The following NEMP2 variants were observed in gnomAD, a reference collection of about 807,000 sequenced individuals.
NEMP2 encodes the protein nuclear envelope integral membrane protein 2.
In NEMP2, 53 loss-of-function variants were observed where a neutral mutation model predicts 54.2. That is an observed-to-expected ratio of 0.98 (90% CI 0.78 to 1.23). The LOEUF (loss-of-function observed/expected upper bound fraction) is 1.23. Ranked by LOEUF, NEMP2 falls within the 50% of genes most tolerant of loss-of-function variation. The probability of loss-of-function intolerance (pLI) is 0.00; values close to 1 mark genes in which losing one functional copy is unlikely to be tolerated. For missense variants in NEMP2, 455 were observed against 511.3 expected, an observed-to-expected ratio of 0.89 and a Z score of 1.06; for synonymous variants, 197 against 190.3, an observed-to-expected ratio of 1.04 and a Z score of -0.29.
At chr2:190,472,386 C>A in the NEMP2 span, among the ~76,000 whole-genome samples, 1 of 152,084 alleles carries the variant, frequency 6.6e-6, no homozygotes, top group Non-Finnish European at 1.5e-5. Context: ...GCAGAGAAGT[C>A]CTTAAAGGAC....
the NEMP2 span, among the ~76,000 whole-genome samples, chr2:190,446,836 C>A: frequency 6.6e-6 from 1 of 152,180 alleles, no homozygotes; most frequent in Non-Finnish European, 1.5e-5. Context: ...AAATGTCAAC[C>A]TCCTTCAGAG....
the NEMP2 span, among the ~76,000 whole-genome samples, chr2:190,544,004 A>C: frequency 6.6e-6 from 1 of 152,222 alleles, no homozygotes; most frequent in Non-Finnish European, 1.5e-5. Flanking sequence ...ATTAAGTTAA[A>C]AGAAAATGGC....
the NEMP2 span, among the ~76,000 whole-genome samples, chr2:190,585,768 G>A: frequency 6.6e-6 from 1 of 152,072 alleles, no homozygotes; most frequent in African/African-American, 2.4e-5. This position sits in a 1 kb window ranked among gnomAD's most constrained non-coding sequence, Gnocchi z 5.3. Context: ...CGAGATATGG[G>A]GCTCAGGCTG....
At chr2:190,452,221 C>T in the NEMP2 span, among the ~76,000 whole-genome samples, 5 of 152,094 alleles carry the variant, frequency 3.3e-5, no homozygotes, top group Non-Finnish European at 7.4e-5. Flanking sequence ...CGCCACTGCA[C>T]TCCAGCCTGA....
chr2:190,630,731 G>C, the NEMP2 span, among the ~76,000 whole-genome samples: 2 of 152,070 alleles, frequency 1.3e-5, no homozygotes, highest in Non-Finnish European at 2.9e-5. The surrounding 1 kb of genome is among the most constrained non-coding windows in gnomAD (Gnocchi z 5.5). Context: ...TCTTGAACCT[G>C]TTGGAGTTTA....
the NEMP2 span, among the ~76,000 whole-genome samples, chr2:190,640,563 T>G: frequency 6.6e-6 from 1 of 152,208 alleles, no homozygotes; most frequent in African/African-American, 2.4e-5. Context: ...TCATGATGTA[T>G]AAGTCCAGGT....
At chr2:190,437,217 C>G in the NEMP2 span, 2 of 1,614,222 alleles carry the variant, frequency 1.2e-6, no homozygotes, top group Non-Finnish European at 1.7e-6. The surrounding 1 kb of genome is among the most constrained non-coding windows in gnomAD (Gnocchi z 5.9). Flanking sequence ...ACAACCATTT[C>G]AAAAACGATG....
chr2:190,625,259 G>T, the NEMP2 span: 1 of 152,054 alleles, frequency 6.6e-6, no homozygotes, highest in Admixed American at 6.5e-5. Flanking sequence ...AATATTATTT[G>T]GCCATAAAAA....
At position 190,513,744 on chromosome 2, in the gene NEMP2, A is replaced by G. The variant is rs1690453305; in HGVS notation, c.953+709T>C. Among the ~76,000 whole-genome samples the G allele has an allele frequency of 6.6e-6, 1 of 152,200 alleles. No homozygotes were observed. ...TCATTCTTTAAGATTCAGCGTAGTA[A>G]TATCTCTCCAGGAAAGCTCTCCTGG... On this transcript the variant is annotated intron_variant, in intron 7 of 8. Transcript: ENST00000409150. The surrounding 1 kb of genome is among the most constrained non-coding windows in gnomAD (Gnocchi z 5.3).
the NEMP2 span, among the ~76,000 whole-genome samples, chr2:190,593,367 G>GCT: frequency 1.3e-5 from 2 of 152,196 alleles, no homozygotes; most frequent in South Asian, 4.1e-4. This position sits in a 1 kb window ranked among gnomAD's most constrained non-coding sequence, Gnocchi z 4.5. Flanking sequence ...CAGCCAGAGG[G>GCT]CTCTGTCCCA....
At chr2:190,547,257 T>G in the NEMP2 span, among the ~76,000 whole-genome samples, 5 of 152,328 alleles carry the variant, frequency 3.3e-5, no homozygotes, top group Non-Finnish European at 7.4e-5. This position sits in a 1 kb window ranked among gnomAD's most constrained non-coding sequence, Gnocchi z 6.2. Flanking sequence ...AAAATCACTA[T>G]GGTGATATTT....
At chr2:190,434,201 A>G in the NEMP2 span, among the ~76,000 whole-genome samples, 2 of 151,836 alleles carry the variant, frequency 1.3e-5, no homozygotes, top group Non-Finnish European at 2.9e-5. The surrounding 1 kb of genome is among the most constrained non-coding windows in gnomAD (Gnocchi z 4.3). Flanking sequence ...AAAAAGAAAA[A>G]AAAGAAAAGA....
At chr2:190,534,332 A>C (rs1448919668) in intron 1 of NEMP2, 2 of 1,194,346 alleles carry the variant, frequency 1.7e-6, no homozygotes, top group Non-Finnish European at 2.1e-6. Context: ...GTTGCTTCTA[A>C]TTCTAAAATT....
the NEMP2 span, among the ~76,000 whole-genome samples, chr2:190,440,414 C>T: frequency 6.6e-6 from 1 of 152,082 alleles, no homozygotes; most frequent in South Asian, 2.1e-4. Flanking sequence ...CTAAATATTT[C>T]CACTTTTAAA....
At chr2:190,582,363 C>T in the NEMP2 span, among the ~76,000 whole-genome samples, 6 of 152,138 alleles carry the variant, frequency 3.9e-5, no homozygotes, top group Admixed American at 2.0e-4. The surrounding 1 kb of genome is among the most constrained non-coding windows in gnomAD (Gnocchi z 4.6). Context: ...CATAGCTCAG[C>T]CTACCTATAA....
At chr2:190,474,312 C>A in the NEMP2 span, among the ~76,000 whole-genome samples, 1 of 152,224 alleles carries the variant, frequency 6.6e-6, no homozygotes, top group South Asian at 2.1e-4. Flanking sequence ...AATTGATAGA[C>A]CGCTAGCAAG....
At chr2:190,539,407 G>A (rs568071934), upstream of NEMP2, among the ~76,000 whole-genome samples, 19 of 151,970 alleles carry the variant, frequency 1.3e-4, no homozygotes, top group South Asian at 2.1e-4. The surrounding 1 kb of genome is among the most constrained non-coding windows in gnomAD (Gnocchi z 4.1). Flanking sequence ...TGTTCTTTTC[G>A]CCCAGGATTG....
At chr2:190,498,029 G>A in the NEMP2 span, 1 of 221,426 alleles carries the variant, frequency 4.5e-6, no homozygotes, top group African/African-American at 2.3e-5. The surrounding 1 kb of genome is among the most constrained non-coding windows in gnomAD (Gnocchi z 5.9). Context: ...TTTCAGTATT[G>A]ATGGTTGTCT....
chr2:190,440,330 C>T, the NEMP2 span, among the ~76,000 whole-genome samples: 3 of 152,190 alleles, frequency 2.0e-5, no homozygotes, highest in African/African-American at 7.2e-5. Context: ...CATAGAGTAT[C>T]TGATTTCTGA....
Sources: gnomAD v4.1 joint callset for allele counts (sites outside exome capture counted in the v4.1 genomes callset) on GRCh38, gnomAD v4.1.1 for gene constraint, Gnocchi (gnomAD v3.1) non-coding constraint, MANE v1.5 for transcripts, NCBI Gene and HGNC (gene_info 2026-07-23, HGNC 2026-07-21) for gene names.